FER: variants seen among roughly 807,000 people sequenced by gnomAD.
The protein encoded by FER is FER tyrosine kinase.
In FER, 63 loss-of-function variants were observed where a neutral mutation model predicts 111.0. The observed-to-expected ratio is 0.57, with a 90% CI of 0.46 to 0.70. FER has a LOEUF of 0.70. Ranked by LOEUF, FER falls within the 30% of genes least tolerant of loss-of-function variation. FER has a pLI of 0.00. For synonymous variants in FER, 327 were observed against 313.9 expected, an observed-to-expected ratio of 1.04 and a Z score of -0.44; for missense variants, 914 against 954.0, an observed-to-expected ratio of 0.96 and a Z score of 0.55.
intron 13 of FER, among the ~76,000 whole-genome samples, chr5:108,992,998 G>T (rs545731326): frequency 3.8e-4 from 57 of 149,460 alleles, no homozygotes; most frequent in African/African-American, 1.2e-3. Flanking sequence ...GGGAAGAGGC[G>T]CTCCTCACTT....
intron 1 of FER, among the ~76,000 whole-genome samples, chr5:108,751,107 G>A (rs1234593645): frequency 1.3e-5 from 2 of 152,138 alleles, no homozygotes; most frequent in Admixed American, 6.5e-5. Flanking sequence ...CAGGAGAACC[G>A]CTTGAACCCG....
intron 15 of FER, among the ~76,000 whole-genome samples, chr5:109,045,405 C>A (rs184248245): frequency 1.0e-3 from 156 of 152,038 alleles, no homozygotes; most frequent in Non-Finnish European, 1.0e-3. Flanking sequence ...CTTTTTCATT[C>A]TCTTAGGAAA....
intron 13 of FER, among the ~76,000 whole-genome samples, chr5:109,007,081 G>T (rs2149793936): frequency 6.6e-6 from 1 of 152,144 alleles, no homozygotes; most frequent in Middle Eastern, 3.4e-3. Context: ...TTTTAGATGG[G>T]TTATTCAGAA....
At chr5:109,102,392 C>T (rs1251126288) in intron 17 of FER, among the ~76,000 whole-genome samples, 1 of 151,994 alleles carries the variant, frequency 6.6e-6, no homozygotes, top group Non-Finnish European at 1.5e-5. Context: ...TCAACACTAG[C>T]GCCAACTTTT....
intron 17 of FER, among the ~76,000 whole-genome samples, chr5:109,146,568 G>T (rs1197720695): frequency 6.6e-6 from 1 of 151,396 alleles, no homozygotes; most frequent in African/African-American, 2.4e-5. Flanking sequence ...ACATTTCCTT[G>T]TATGGCAAAA....
chr5:108,769,957 T>TGA (rs1752715418), intron 2 of FER, among the ~76,000 whole-genome samples: 1 of 149,772 alleles, frequency 6.7e-6, no homozygotes, highest in Admixed American at 6.6e-5. Context: ...ATGATGATGA[T>TGA]TTTTTTTTGA....
chr5:108,797,559 C>CT (rs1184961732), intron 2 of FER, among the ~76,000 whole-genome samples: 1 of 152,206 alleles, frequency 6.6e-6, no homozygotes. Flanking sequence ...ACAGTGCTCT[C>CT]TTTCTCCTCC....
At chr5:108,969,725 A>C (rs1760381451) in intron 13 of FER, among the ~76,000 whole-genome samples, 1 of 148,128 alleles carries the variant, frequency 6.8e-6, no homozygotes, top group Non-Finnish European at 1.5e-5. Flanking sequence ...TTTATTGAGA[A>C]ATTATTGATA....
intron 1 of FER, among the ~76,000 whole-genome samples, chr5:108,757,530 A>T (rs1751252578): frequency 6.6e-6 from 1 of 152,214 alleles, no homozygotes; most frequent in Non-Finnish European, 1.5e-5. Flanking sequence ...CTTGACGCAC[A>T]TCAATCCTCC....
At chr5:109,015,913 A>G (rs1229196420) in intron 13 of FER, among the ~76,000 whole-genome samples, 1 of 151,866 alleles carries the variant, frequency 6.6e-6, no homozygotes, top group Non-Finnish European at 1.5e-5. Flanking sequence ...TTGAACCACT[A>G]TGTCACATTG....
intron 12 of FER, 152 bp from the exon 13 acceptor site, chr5:108,959,073 C>A (rs1011110677): frequency 7.3e-5 from 37 of 508,598 alleles, no homozygotes; most frequent in African/African-American, 5.6e-4. Flanking sequence ...ATCATCTTAA[C>A]CATTTTTAAG....
chr5:108,974,505 G>T (rs1761082144), intron 13 of FER, among the ~76,000 whole-genome samples: 1 of 152,196 alleles, frequency 6.6e-6, no homozygotes, highest in African/African-American at 2.4e-5. Context: ...ATCAGGGAAA[G>T]AGAGGAAAAG....
At chr5:109,094,648 G>A (rs1016664528) in intron 16 of FER, among the ~76,000 whole-genome samples, 2 of 152,124 alleles carry the variant, frequency 1.3e-5, no homozygotes, top group Non-Finnish European at 2.9e-5. Context: ...TGTCATTATA[G>A]CATGAAAGCA....
chr5:108,831,877 A>G (rs1760079363), intron 3 of FER, among the ~76,000 whole-genome samples: 1 of 152,234 alleles, frequency 6.6e-6, no homozygotes, highest in African/African-American at 2.4e-5. Context: ...TTGCTCATTT[A>G]AAAAATATCT....
intron 13 of FER, among the ~76,000 whole-genome samples, chr5:108,965,537 A>C (rs1236965881): frequency 6.6e-6 from 1 of 152,180 alleles, no homozygotes. Context: ...AAATCTTTTC[A>C]ACAACTGTGA....
At chr5:109,175,943 C>T (rs928081012) in intron 17 of FER, among the ~76,000 whole-genome samples, 1 of 152,176 alleles carries the variant, frequency 6.6e-6, no homozygotes, top group Non-Finnish European at 1.5e-5. Context: ...CGTGCCACTG[C>T]ACTCCAGCCC....
At chr5:109,087,271 T>G (rs977328065) in intron 16 of FER, among the ~76,000 whole-genome samples, 1 of 151,824 alleles carries the variant, frequency 6.6e-6, no homozygotes, top group Non-Finnish European at 1.5e-5. Flanking sequence ...TTAAAATTTA[T>G]TCAGACTTGT....
chr5:108,757,742 C>T (rs543665926), intron 1 of FER, among the ~76,000 whole-genome samples: 1 of 152,178 alleles, frequency 6.6e-6, no homozygotes. Flanking sequence ...CTACTACTTT[C>T]TAGAAGTTAA....
intron 3 of FER, among the ~76,000 whole-genome samples, chr5:108,821,549 CTTCT>C (rs1162306759): frequency 1.3e-5 from 2 of 151,974 alleles, no homozygotes; most frequent in African/African-American, 4.8e-5. Context: ...CTTTTTCATG[CTTCT>C]TGTGCTTGGG....
Sources: gnomAD v4.1 joint callset for allele counts (sites outside exome capture counted in the v4.1 genomes callset) on GRCh38, gnomAD v4.1.1 for gene constraint, MANE v1.5 for transcripts, NCBI Gene and HGNC (gene_info 2026-07-23, HGNC 2026-07-21) for gene names.